SLCO6A1: variants seen among roughly 807,000 people sequenced by gnomAD.
SLCO6A1 encodes the protein solute carrier organic anion transporter family member 6A1, also known as cancer/testis antigen 48.
Under a neutral mutation model 72.7 loss-of-function variants are expected in SLCO6A1, and 65 were observed. That is an observed-to-expected ratio of 0.89 (90% CI 0.73 to 1.10). The LOEUF is 1.10. SLCO6A1 is among the 50% of genes least tolerant of loss of function. The pLI is 0.00. For synonymous variants in SLCO6A1, 314 were observed against 298.2 expected, an observed-to-expected ratio of 1.05 and a Z score of -0.55; for missense variants, 874 against 872.6, an observed-to-expected ratio of 1.00 and a Z score of -0.02.
chr5:102,411,781 A>T (rs1471495405), intron 9 of SLCO6A1, among the ~76,000 whole-genome samples: 1 of 152,024 alleles, frequency 6.6e-6, no homozygotes, highest in East Asian at 1.9e-4. Context: ...ACCTCAAAAC[A>T]TGTTTCTTTG....
At position 102,413,037 on chromosome 5, in the gene SLCO6A1, G is replaced by A; in HGVS notation, c.1579C>T (p.Pro527Ser). Residue 527 changes from proline to serine, a missense_variant, in exon 9 of 14, where the codon CCC becomes TCC. By Grantham distance (74) the Pro-to-Ser change is moderately conservative. Coordinates refer to ENST00000506729, the MANE Select transcript of SLCO6A1 (RefSeq NM_173488.5). ...GAATATGTACACCCTGCAAAGCAGGGAGAAAAATATTCAATATCATCTCTT... is the reference window on the plus strand; with the variant it reads ...GAATATGTACACCCTGCAAAGCAGGAAGAAAAATATTCAATATCATCTCTT... ...CGRDDIEYFS[P>S]CFAGCTYSKA... 1 of 1,559,710 alleles carries A rather than the reference G, an allele frequency of 6.4e-7. No homozygotes were observed.
intron 5 of SLCO6A1, among the ~76,000 whole-genome samples, chr5:102,458,850 CTT>C (rs1162013779): frequency 6.6e-6 from 1 of 152,046 alleles, no homozygotes; most frequent in Non-Finnish European, 1.5e-5. Flanking sequence ...AGGGAATAAT[CTT>C]TGATATAACT....
At chr5:102,416,623 G>C (rs1015864775) in intron 8 of SLCO6A1, among the ~76,000 whole-genome samples, 2 of 151,834 alleles carry the variant, frequency 1.3e-5, no homozygotes, top group Non-Finnish European at 2.9e-5. Flanking sequence ...TTACTTAATG[G>C]GTATAATGTA....
rs779958826 is a variant in SLCO6A1, at chr5:102,445,964, G to A, written c.1132-7203C>T. Among the ~76,000 whole-genome samples, 6 of 152,066 alleles carry A rather than the reference G, an allele frequency of 3.9e-5. No individual in the cohort carries two copies. In the South Asian group the frequency reaches 1.0e-3, roughly 26 times the overall value. ...GTACCAGTACCATGCTGTTTTAGGA[G>A]CCTTGTAGTACATTTTGAAGTTGGG... On this transcript the variant is annotated intron_variant, in intron 6 of 13. Coordinates refer to ENST00000506729, the MANE Select transcript of SLCO6A1 (RefSeq NM_173488.5).
chr5:102,426,105 T>C (rs111973991), intron 7 of SLCO6A1, among the ~76,000 whole-genome samples: 8,254 of 152,210 alleles, frequency 0.054, 743 homozygotes, highest in African/African-American at 0.19. Context: ...TTACAGCTTA[T>C]ACAAAAATTA....
intron 4 of SLCO6A1, among the ~76,000 whole-genome samples, chr5:102,474,301 A>G (rs1751780972): frequency 6.6e-6 from 1 of 152,086 alleles, no homozygotes; most frequent in African/African-American, 2.4e-5. Context: ...ATCTTTGACA[A>G]GGGTGCCAAG....
intron 5 of SLCO6A1, 94 bp downstream of exon 5, chr5:102,459,557 CATTTT>C: frequency 7.7e-7 from 1 of 1,306,724 alleles, no homozygotes; most frequent in Non-Finnish European, 1.0e-6. Context: ...GAGGCATACT[CATTTT>C]ATTAAAAATG....
chr5:102,396,498 T>C (rs1264246638), intron 10 of SLCO6A1, among the ~76,000 whole-genome samples: 1 of 152,206 alleles, frequency 6.6e-6, no homozygotes, highest in Non-Finnish European at 1.5e-5. Flanking sequence ...GGCTATGTAG[T>C]TCCACAGTTC....
intron 1 of SLCO6A1, among the ~76,000 whole-genome samples, chr5:102,481,635 T>C (rs1243603431): frequency 6.6e-6 from 1 of 152,180 alleles, no homozygotes; most frequent in Non-Finnish European, 1.5e-5. Flanking sequence ...CTACTTGGTA[T>C]ACATTTTCAC....
At chr5:102,477,620 C>T in intron 3 of SLCO6A1, 56 bp downstream of exon 3, 3 of 1,507,018 alleles carry the variant, frequency 2.0e-6, no homozygotes, top group South Asian at 1.3e-5. Flanking sequence ...ATATGCATAC[C>T]AAAATTCAAA....
intron 7 of SLCO6A1, among the ~76,000 whole-genome samples, chr5:102,426,948 T>C (rs1472448369): frequency 7.8e-6 from 1 of 128,060 alleles, no homozygotes; most frequent in East Asian, 2.1e-4. Context: ...ATAAAGAAGA[T>C]TGAGTTCATG....
chr5:102,392,994 G>C (rs532019867), intron 10 of SLCO6A1, among the ~76,000 whole-genome samples: 1 of 152,030 alleles, frequency 6.6e-6, no homozygotes, highest in Non-Finnish European at 1.5e-5. Context: ...TTGGAAAAAG[G>C]CATTTTCAAA....
At chr5:102,414,498 T>C (rs1014524172) in intron 8 of SLCO6A1, among the ~76,000 whole-genome samples, 3 of 152,108 alleles carry the variant, frequency 2.0e-5, no homozygotes, top group Non-Finnish European at 4.4e-5. Context: ...AAGATGCCAA[T>C]AAAAATCTCT....
At chr5:102,435,831 C>T (rs1246488289) in intron 7 of SLCO6A1, among the ~76,000 whole-genome samples, 3 of 150,348 alleles carry the variant, frequency 2.0e-5, no homozygotes, top group Non-Finnish European at 3.0e-5. Context: ...GCCTAGATTA[C>T]ATCATTGCAC....
intron 9 of SLCO6A1, among the ~76,000 whole-genome samples, chr5:102,404,553 C>T (rs1747571758): frequency 6.6e-6 from 1 of 151,806 alleles, no homozygotes; most frequent in African/African-American, 2.4e-5. Flanking sequence ...GTTTATAACA[C>T]CAGAAACATA....
intron 4 of SLCO6A1, 113 bp downstream of exon 4, chr5:102,475,584 T>C (rs1416041839): frequency 1.7e-6 from 1 of 600,500 alleles, no homozygotes; most frequent in Non-Finnish European, 2.7e-6. Context: ...ATATATTTTT[T>C]CTAAAACTAT....
At chr5:102,486,461 A>T (rs1033949988) in intron 1 of SLCO6A1, among the ~76,000 whole-genome samples, 4 of 152,282 alleles carry the variant, frequency 2.6e-5, no homozygotes, top group Middle Eastern at 3.4e-3. Context: ...TTTAAATAAA[A>T]GTACAACTGC....
At chr5:102,421,053 G>A (rs942470394) in intron 7 of SLCO6A1, among the ~76,000 whole-genome samples, 1 of 152,112 alleles carries the variant, frequency 6.6e-6, no homozygotes, top group Non-Finnish European at 1.5e-5. Context: ...GAAGCTGTGA[G>A]GGACTGTGCC....
intron 10 of SLCO6A1, among the ~76,000 whole-genome samples, chr5:102,393,587 A>T (rs1232830749): frequency 6.6e-6 from 1 of 152,144 alleles, no homozygotes; most frequent in Non-Finnish European, 1.5e-5. Context: ...TTTTGTTTGG[A>T]GTATATTTTA....
Sources: allele counts gnomAD v4.1 joint callset (sites outside exome capture counted in the v4.1 genomes callset), GRCh38; gene constraint gnomAD v4.1.1; transcripts MANE v1.5; gene names NCBI Gene and HGNC (gene_info 2026-07-23, HGNC 2026-07-21).